The following TERB1 variants were observed in gnomAD, a reference collection of about 807,000 sequenced individuals.
TERB1 encodes telomere repeat binding bouquet formation protein 1.
In TERB1, 63 loss-of-function variants were observed where a neutral mutation model predicts 92.3. The observed-to-expected ratio is 0.68, with a 90% CI of 0.56 to 0.84. TERB1 has a LOEUF of 0.84. TERB1 is among the 40% of genes least tolerant of loss of function. The pLI is 0.00. For synonymous variants in TERB1, 252 were observed against 283.9 expected (o/e 0.89, Z 1.13); for missense variants, 709 against 843.7 (o/e 0.84, Z 1.98).
chr16:66,788,152 TAA>T lies in TERB1; in HGVS notation c.400+15_400+16del. 1.4e-6 allele frequency: 2 copies of T among 1,410,436 alleles called. No individual in the cohort carries two copies. Among genetic ancestry groups the T allele is most frequent in the Non-Finnish European group, 1.9e-6 (2 of 1,060,954 alleles). The allele number at this position is 1,410,436 out of a possible 1,614,324, so 87.4% of individuals were successfully genotyped here. A position where few individuals can be genotyped will look rare whatever the true frequency, so the allele number is the denominator to read the frequency against. On this transcript the variant is annotated intron_variant, in intron 6 of 18. Transcript: ENST00000433154. Reference sequence around the variant, plus strand: ...TGATTAAAGTGTTTTCAAATAGTCATAAGAGAATGTACTTACTATTATTTGAA... The same window carrying T: ...TGATTAAAGTGTTTTCAAATAGTCATGAGAATGTACTTACTATTATTTGAA...
At chr16:66,789,097 A>G (rs554101826) in intron 5 of TERB1, among the ~76,000 whole-genome samples, 26 of 151,866 alleles carry the variant, frequency 1.7e-4, no homozygotes, top group African/African-American at 6.0e-4. Context: ...AATCAATAAT[A>G]ATTTAATTGT....
intron 18 of TERB1, among the ~76,000 whole-genome samples, chr16:66,756,085 A>T (rs985144098): frequency 2.8e-4 from 43 of 152,220 alleles, no homozygotes; most frequent in African/African-American, 9.9e-4. Context: ...TCTGGTGATG[A>T]TTACTAGGAA....
chr16:66,787,872 C>A (rs963155239), intron 6 of TERB1, among the ~76,000 whole-genome samples: 1 of 152,134 alleles, frequency 6.6e-6, no homozygotes, highest in East Asian at 1.9e-4. Flanking sequence ...ACCAGCCTGG[C>A]CAACATGGTG....
At chr16:66,755,811 C>T (rs1229645004) in intron 18 of TERB1, among the ~76,000 whole-genome samples, 1 of 152,050 alleles carries the variant, frequency 6.6e-6, no homozygotes, top group Non-Finnish European at 1.5e-5. Flanking sequence ...AAACAGCTTA[C>T]GTATCTTAGA....
chr16:66,777,482 T>C, intron 10 of TERB1, 148 bp from the exon 11 acceptor site: 1 of 452,096 alleles, frequency 2.2e-6, no homozygotes. Flanking sequence ...CTAATAAATA[T>C]GTGTATGTGT....
chr16:66,797,933 A>ATT (rs1959206979), intron 2 of TERB1, among the ~76,000 whole-genome samples: 2 of 152,086 alleles, frequency 1.3e-5, no homozygotes, highest in Non-Finnish European at 2.9e-5. Flanking sequence ...AGTTAGAAAA[A>ATT]ATGCCTCAGA....
Position 66,778,894 on chromosome 16 carries a change from C to A in TERB1, c.822G>T (p.Thr274=), listed in dbSNP as rs363162. The change falls in exon 10 of 19, where the codon ACG becomes ACT. Residue 274 remains threonine, a synonymous_variant. Coordinates refer to ENST00000433154, the MANE Select transcript of TERB1 (RefSeq NM_001136505.2). ...CAGCAATGCATGCATCCACAGTCTTCGTCACAACCACTGCAAGTTTAGCAC... is the reference window on the plus strand; with the variant it reads ...CAGCAATGCATGCATCCACAGTCTTAGTCACAACCACTGCAAGTTTAGCAC... ...LSSAKLAVVV[T]KTVDACIADN... 6.6e-7 allele frequency: 1 copy of A among 1,517,446 alleles called. No individual in the cohort carries two copies. Among genetic ancestry groups the A allele is most frequent in the African/African-American group, 1.4e-5 (1 of 72,320 alleles). The allele number at this position is 1,517,446 out of a possible 1,614,324, so 94.0% of individuals were successfully genotyped here.
intron 9 of TERB1, among the ~76,000 whole-genome samples, chr16:66,782,657 T>C (rs2145188559): frequency 6.6e-6 from 1 of 152,290 alleles, no homozygotes; most frequent in East Asian, 1.9e-4. Flanking sequence ...TACGGTTTTA[T>C]ACTTTTTTCC....
chr16:66,790,537 T>C (rs2018814150), intron 5 of TERB1, 58 bp downstream of exon 5: 1 of 1,297,056 alleles, frequency 7.7e-7, no homozygotes, highest in Non-Finnish European at 1.0e-6. Flanking sequence ...GTTTTGAGTA[T>C]ACTGTTAAAA....
chr16:66,801,558 C>T lies in TERB1; in HGVS notation c.-200G>A, dbSNP rs1959304906. 6.6e-6 allele frequency: 1 copy of T among 152,224 alleles called. No individual in the cohort carries two copies. Among genetic ancestry groups the T allele is most frequent in the Admixed American group, 6.5e-5 (1 of 15,290 alleles). 9.4% of individuals were successfully genotyped at this position (152,224 alleles called of 1,614,324 possible). ...CAAGCGGGAGCTTCCGCCCTTTCTT[C>T]ATCACCGCTCACCTGCCACGACGCA... is the stretch of plus-strand genomic sequence containing the variant. On this transcript the variant is annotated 5_prime_UTR_variant, in exon 1 of 19. An upstream start codon of the reference 5' UTR is lost. Transcript: ENST00000433154.
chr16:66,770,129 A>G lies in TERB1; in HGVS notation c.1453T>C (p.Cys485Arg). 2 of 1,552,270 alleles carry G rather than the reference A, an allele frequency of 1.3e-6. No homozygotes were observed. Among genetic ancestry groups the G allele is most frequent in the Non-Finnish European group, 1.7e-6 (2 of 1,147,114 alleles). Residue 485 changes from cysteine (C) to arginine (R), a missense_variant, in exon 14 of 19, where the codon TGT (cysteine) becomes CGT (arginine). Physicochemically the swap from Cys to Arg is radical, Grantham distance 180. Coordinates refer to ENST00000433154, the MANE Select transcript of TERB1 (RefSeq NM_001136505.2). ...YKSHGVMSKACTNDDQMKTPL... is the reference protein window; with the variant it reads ...YKSHGVMSKARTNDDQMKTPL... ...GTCTTCATTTGGTCATCATTTGTAC[A>G]TGCTTTAGACATGACTCCATGGGAC... is the stretch of plus-strand genomic sequence containing the variant.
At chr16:66,762,659 CA>C (rs1164828933) in intron 16 of TERB1, among the ~76,000 whole-genome samples, 2 of 150,196 alleles carry the variant, frequency 1.3e-5, no homozygotes, top group Non-Finnish European at 3.0e-5. Context: ...GCTGGGATTA[CA>C]GGTGTGAACC....
At chr16:66,774,421 G>C (rs559615960) in intron 12 of TERB1, among the ~76,000 whole-genome samples, 128 of 151,750 alleles carry the variant, frequency 8.4e-4, no homozygotes, top group Middle Eastern at 3.4e-3. Context: ...TCCTGACCTC[G>C]TGATCCGCCT....
intron 16 of TERB1, among the ~76,000 whole-genome samples, chr16:66,761,464 A>AG (rs1296671761): frequency 1.3e-5 from 2 of 150,010 alleles, no homozygotes; most frequent in East Asian, 2.0e-4. Flanking sequence ...AAAAAAAAAA[A>AG]AAAAGAAAGA....
chr16:66,767,886 C>T (rs1011915228), intron 15 of TERB1, among the ~76,000 whole-genome samples: 4 of 152,118 alleles, frequency 2.6e-5, no homozygotes, highest in African/African-American at 9.7e-5. Flanking sequence ...CACCACCGCA[C>T]CTGGCTAATT....
intron 3 of TERB1, 90 bp from the exon 4 acceptor site, chr16:66,791,109 G>A: frequency 1.6e-6 from 1 of 623,518 alleles, no homozygotes; most frequent in South Asian, 2.8e-5. Context: ...CATATCTTTG[G>A]AATGGTCAAC....
chr16:66,761,317 C>T (rs554019129), intron 16 of TERB1, among the ~76,000 whole-genome samples: 18 of 147,016 alleles, frequency 1.2e-4, no homozygotes, highest in East Asian at 1.0e-3. Flanking sequence ...CCGTGCATGA[C>T]GGCAGGTGCC....
intron 13 of TERB1, among the ~76,000 whole-genome samples, chr16:66,771,670 C>G (rs1451690426): frequency 1.3e-5 from 2 of 150,160 alleles, no homozygotes; most frequent in African/African-American, 5.0e-5. Context: ...CACACACACA[C>G]ACACACACAC....
At position 66,793,001 on chromosome 16, in the gene TERB1, A is replaced by G. The variant is rs191937672; in HGVS notation, c.32-1982T>C. Among the ~76,000 whole-genome samples, 747 of 151,412 alleles carry G rather than the reference A, an allele frequency of 4.9e-3. 24 individuals carry two copies. Among genetic ancestry groups the G allele is most frequent in the Non-Finnish European group, 9.1e-4 (62 of 67,786 alleles). ...CAATTTATTTTTAAAATTTTATTTT[A>G]TTTTATAAAATTTTATTTTATTTTA... is the stretch of plus-strand genomic sequence containing the variant. On this transcript the variant is annotated intron_variant, in intron 3 of 18. Transcript: ENST00000433154.
Sources: gnomAD v4.1 joint callset for allele counts (sites outside exome capture counted in the v4.1 genomes callset) on GRCh38, gnomAD v4.1.1 for gene constraint, MANE v1.5 for transcripts, NCBI Gene and HGNC (gene_info 2026-07-23, HGNC 2026-07-21) for gene names.